Variants in DAB1 observed in about 807,000 individuals in gnomAD.
DAB1 encodes disabled homolog 1.
A neutral mutation model predicts 64.6 loss-of-function variants in DAB1; 15 were observed. The observed-to-expected ratio is 0.23, with a 90% CI of 0.16 to 0.36. The LOEUF is 0.36. DAB1 is among the 10% of genes least tolerant of loss of function. DAB1 has a pLI of 1.00. For missense variants in DAB1, 596 were observed against 706.7 expected, an observed-to-expected ratio of 0.84 and a Z score of 1.78; for synonymous variants, 235 against 251.9, an observed-to-expected ratio of 0.93 and a Z score of 0.64.
intron 5 of DAB1, among the ~76,000 whole-genome samples, chr1:57,989,721 A>C (rs1329338453): frequency 6.6e-6 from 1 of 152,120 alleles, no homozygotes; most frequent in African/African-American, 2.4e-5. Flanking sequence ...TCAGAGAAGT[A>C]ATTGCCACAA....
chr1:57,319,795 T>C (rs914809190), intron 1 of DAB1, among the ~76,000 whole-genome samples: 2 of 151,168 alleles, frequency 1.3e-5, no homozygotes, highest in Non-Finnish European at 2.9e-5. Context: ...GAGTTCCTTC[T>C]GGGAAAAAAA....
intron 4 of DAB1, among the ~76,000 whole-genome samples, chr1:57,106,757 C>A (rs499755): frequency 2.0e-5 from 3 of 152,088 alleles, no homozygotes; most frequent in African/African-American, 4.8e-5. Flanking sequence ...TTCATGTCCC[C>A]GGCCCTTTCT....
intron 2 of DAB1, among the ~76,000 whole-genome samples, chr1:57,167,396 C>G (rs1156494465): frequency 6.6e-6 from 1 of 152,124 alleles, no homozygotes; most frequent in Non-Finnish European, 1.5e-5. Context: ...AAGAGTCACC[C>G]CTTGTATGCT....
chr1:57,792,011 A>G (rs1650624670), intron 6 of DAB1, among the ~76,000 whole-genome samples: 1 of 152,172 alleles, frequency 6.6e-6, no homozygotes, highest in South Asian at 2.1e-4. Flanking sequence ...ACTAAGGCAA[A>G]GACTTAATTT....
intron 7 of DAB1, among the ~76,000 whole-genome samples, chr1:57,557,980 A>G (rs1398593987): frequency 6.6e-6 from 1 of 151,824 alleles, no homozygotes; most frequent in Non-Finnish European, 1.5e-5. Context: ...AAATTGTGGA[A>G]AAACAGACAC....
chr1:57,028,311 T>C (rs1646857741), intron 9 of DAB1, among the ~76,000 whole-genome samples: 2 of 152,232 alleles, frequency 1.3e-5, no homozygotes, highest in South Asian at 4.1e-4. Flanking sequence ...ATGTAAGATG[T>C]GCCTTTTGCC....
At chr1:57,526,468 A>G (rs2691456) in intron 7 of DAB1, among the ~76,000 whole-genome samples, 35,136 of 152,078 alleles carry the variant, frequency 0.23, 4,272 homozygotes, top group South Asian at 0.4. Flanking sequence ...TCCAGACTCT[A>G]TCCAAGAAGG....
At chr1:57,562,040 C>T (rs557901494) in intron 7 of DAB1, among the ~76,000 whole-genome samples, 9 of 152,246 alleles carry the variant, frequency 5.9e-5, no homozygotes, top group Non-Finnish European at 1.3e-4. Context: ...GTATTCCACA[C>T]AGCGCTGTCT....
chr1:57,304,671 T>C (rs1180737770), intron 1 of DAB1, among the ~76,000 whole-genome samples: 1 of 152,168 alleles, frequency 6.6e-6, no homozygotes, highest in Non-Finnish European at 1.5e-5. Context: ...AGAGAAGGTG[T>C]TCATTACATA....
chr1:58,480,977 T>C (rs1406599681), intron 3 of DAB1: 1 of 866,230 alleles, frequency 1.2e-6, no homozygotes, highest in African/African-American at 1.6e-5. Flanking sequence ...AACTGCCCGT[T>C]CTTTTCTCAA....
chr1:57,870,962 C>T (rs986628967), intron 1 of DAB1, among the ~76,000 whole-genome samples: 3 of 152,126 alleles, frequency 2.0e-5, no homozygotes, highest in Non-Finnish European at 2.9e-5. Flanking sequence ...ATTTGAAAAG[C>T]GTTTAGTATA....
chr1:57,997,794 G>T (rs183338070), intron 5 of DAB1, among the ~76,000 whole-genome samples: 1 of 151,838 alleles, frequency 6.6e-6, no homozygotes, highest in Admixed American at 6.6e-5. Context: ...TAACAACCTC[G>T]TTGCTGCTGA....
At chr1:57,506,754 C>A (rs1009374079) in intron 7 of DAB1, among the ~76,000 whole-genome samples, 17 of 152,296 alleles carry the variant, frequency 1.1e-4, no homozygotes, top group Middle Eastern at 3.4e-3. Flanking sequence ...TCTGTCCTCC[C>A]AGTTTCTATC....
chr1:57,521,594 A>G (rs770564363), intron 7 of DAB1, among the ~76,000 whole-genome samples: 1 of 152,158 alleles, frequency 6.6e-6, no homozygotes, highest in East Asian at 1.9e-4. Flanking sequence ...AACTTAATGG[A>G]CCAAATATGG....
chr1:57,145,866 G>A (rs1659076429), intron 2 of DAB1, among the ~76,000 whole-genome samples: 1 of 152,106 alleles, frequency 6.6e-6, no homozygotes, highest in South Asian at 2.1e-4. Flanking sequence ...ATAATAGCTT[G>A]GCCAGGGTCC....
In DAB1 at chr1:58,116,024, C is replaced by T. The variant is rs115876388; in HGVS notation, n.387+34487G>A. ...ATTAATATTAAACAATTCATCTATA[C>T]AAAAAAAATAAAAATAAAAAAAAAT... On this transcript the variant is annotated intron_variant and non_coding_transcript_variant, in intron 5 of 20. Transcript: ENST00000485760. 8.2e-3 allele frequency among the ~76,000 whole-genome samples: 1,231 copies of T among 149,458 alleles called. 11 individuals carry two copies. The highest frequency in any genetic ancestry group is 0.014 in the Middle Eastern group (4 of 292).
At chr1:57,387,065 C>T (rs1681930559) in intron 1 of DAB1, 1 of 152,158 alleles carries the variant, frequency 6.6e-6, no homozygotes. Context: ...ACTTTCTCCA[C>T]TTTGAGGTTA....
intron 6 of DAB1, among the ~76,000 whole-genome samples, chr1:57,699,319 C>T (rs11207095): frequency 0.3 from 45,150 of 152,070 alleles, 6,932 homozygotes; most frequent in East Asian, 0.45. Context: ...TTCTTCTTAT[C>T]CTTACTTTAT....
At chr1:58,235,610 G>A (rs1438352952) in intron 4 of DAB1, among the ~76,000 whole-genome samples, 1 of 152,118 alleles carries the variant, frequency 6.6e-6, no homozygotes, top group East Asian at 1.9e-4. Context: ...ATGGCAAAAT[G>A]ATCTCTCTTG....
Sources: allele counts gnomAD v4.1 joint callset (sites outside exome capture counted in the v4.1 genomes callset), GRCh38; gene constraint gnomAD v4.1.1; transcripts MANE v1.5; gene names NCBI Gene and HGNC (gene_info 2026-07-23, HGNC 2026-07-21).